CDH12: variants seen among roughly 807,000 people sequenced by gnomAD.
The protein encoded by CDH12 is cadherin 12, also known as cadherin-12.
Under a neutral mutation model 74.1 loss-of-function variants are expected in CDH12, and 41 were observed. The observed-to-expected ratio is 0.55, with a 90% CI of 0.43 to 0.72. The LOEUF (loss-of-function observed/expected upper bound fraction) is 0.72, where lower values mean the gene tolerates loss of function less well. CDH12 is among the 30% of genes least tolerant of loss of function. The pLI is 0.00. For synonymous variants in CDH12, 399 were observed against 355.0 expected (o/e 1.12, Z -1.39); for missense variants, 945 against 977.2 (o/e 0.97, Z 0.44).
chr5:22,611,455 G>A (rs953009725), intron 1 of CDH12, among the ~76,000 whole-genome samples: 1 of 152,040 alleles, frequency 6.6e-6, no homozygotes, highest in Non-Finnish European at 1.5e-5. Context: ...GGGTGACAGT[G>A]AACAACAAAT....
At chr5:22,772,725 T>C (rs978778323) in intron 1 of CDH12, among the ~76,000 whole-genome samples, 20 of 152,090 alleles carry the variant, frequency 1.3e-4, no homozygotes, top group East Asian at 3.9e-4. Flanking sequence ...CTGATTTGTA[T>C]GCAGGATCCA....
At chr5:22,061,216 G>A (rs114370305) in intron 5 of CDH12, among the ~76,000 whole-genome samples, 2,252 of 152,204 alleles carry the variant, frequency 0.015, 24 homozygotes, top group Middle Eastern at 0.058. Context: ...AATTCCACAG[G>A]TAGAAATAAT....
chr5:22,489,056 C>CTTTTTTTTTTGTTTTTTTTTT (rs1746732911), intron 2 of CDH12, among the ~76,000 whole-genome samples: 1 of 37,314 alleles, frequency 2.7e-5, no homozygotes, highest in Non-Finnish European at 4.8e-5. Flanking sequence ...TTGGTACCAC[C>CTTTTTTTTTTGTTTTTTTTTT]TTTTTTTTTT....
At chr5:22,503,994 C>G (rs1266543939) in intron 2 of CDH12, among the ~76,000 whole-genome samples, 5 of 151,910 alleles carry the variant, frequency 3.3e-5, no homozygotes. Context: ...TTCTCTTATT[C>G]TATAAATAAA....
At chr5:22,201,406 C>T (rs569667041) in intron 4 of CDH12, among the ~76,000 whole-genome samples, 12 of 152,208 alleles carry the variant, frequency 7.9e-5, no homozygotes, top group African/African-American at 2.2e-4. Flanking sequence ...CATTATCTTA[C>T]GTGAAATAAC....
intron 3 of CDH12, among the ~76,000 whole-genome samples, chr5:22,246,854 A>G (rs533890624): frequency 9.2e-5 from 14 of 152,172 alleles, no homozygotes; most frequent in Non-Finnish European, 1.9e-4. Context: ...TATTTGGGTC[A>G]ACTTATCTAT....
chr5:22,645,358 G>C (rs1580847150), intron 1 of CDH12, among the ~76,000 whole-genome samples: 1 of 152,084 alleles, frequency 6.6e-6, no homozygotes, highest in Non-Finnish European at 1.5e-5. Context: ...AGTAACTGCA[G>C]ATGTGGTAGA....
At chr5:22,783,802 T>C (rs777746954) in intron 1 of CDH12, among the ~76,000 whole-genome samples, 8 of 152,152 alleles carry the variant, frequency 5.3e-5, no homozygotes, top group Non-Finnish European at 8.8e-5. Context: ...TACCACAATT[T>C]GACAATGAGT....
intron 2 of CDH12, among the ~76,000 whole-genome samples, chr5:22,448,257 T>C (rs1289306168): frequency 6.6e-6 from 1 of 151,912 alleles, no homozygotes; most frequent in Non-Finnish European, 1.5e-5. Flanking sequence ...TAGATTAAAG[T>C]TCAAATTAAA....
intron 4 of CDH12, among the ~76,000 whole-genome samples, chr5:22,193,438 T>C (rs1258072871): frequency 6.6e-6 from 1 of 152,244 alleles, no homozygotes; most frequent in Admixed American, 6.5e-5. Flanking sequence ...AGTATTTTTG[T>C]CTCTTTTTGC....
intron 2 of CDH12, among the ~76,000 whole-genome samples, chr5:22,440,916 A>G (rs981541865): frequency 6.6e-6 from 1 of 152,174 alleles, no homozygotes; most frequent in African/African-American, 2.4e-5. Context: ...TAAGCAAGCC[A>G]TTAATCAGCC....
At chr5:22,216,699 C>A (rs1751816133) in intron 3 of CDH12, among the ~76,000 whole-genome samples, 1 of 151,788 alleles carries the variant, frequency 6.6e-6, no homozygotes, top group Non-Finnish European at 1.5e-5. Context: ...AACTCACCAG[C>A]CTTCAAGAGA....
At chr5:22,850,689 T>C (rs1290487335) in intron 1 of CDH12, among the ~76,000 whole-genome samples, 3 of 152,044 alleles carry the variant, frequency 2.0e-5, no homozygotes, top group Non-Finnish European at 4.4e-5. Flanking sequence ...CAGGATAATA[T>C]CTTACTTTAA....
intron 4 of CDH12, among the ~76,000 whole-genome samples, chr5:22,103,980 C>A (rs1405165018): frequency 6.6e-6 from 1 of 152,084 alleles, no homozygotes; most frequent in African/African-American, 2.4e-5. Flanking sequence ...GAAGAAAAAT[C>A]AATAATGCAT....
At chr5:22,506,605 C>CT (rs774274526) in intron 1 of CDH12, among the ~76,000 whole-genome samples, 4 of 150,242 alleles carry the variant, frequency 2.7e-5, no homozygotes, top group East Asian at 2.0e-4. Context: ...TAGACTCAGC[C>CT]TTTTTTTTTC....
chr5:22,429,609 T>C (rs773307867), intron 2 of CDH12, among the ~76,000 whole-genome samples: 2 of 152,234 alleles, frequency 1.3e-5, no homozygotes, highest in Admixed American at 6.5e-5. Flanking sequence ...ACTGTATATA[T>C]GCATAGTGTT....
chr5:22,277,326 GGC>G (rs774246598), intron 3 of CDH12, among the ~76,000 whole-genome samples: 1 of 152,056 alleles, frequency 6.6e-6, no homozygotes, highest in African/African-American at 2.4e-5. Context: ...AACCACTCGG[GGC>G]TAATACAAGA....
intron 3 of CDH12, among the ~76,000 whole-genome samples, chr5:22,250,162 GA>G (rs1310256318): frequency 6.6e-6 from 1 of 151,024 alleles, no homozygotes; most frequent in Admixed American, 6.6e-5. Flanking sequence ...GAGAGTGCCA[GA>G]TTAGGCTAAA....
chr5:22,224,787 G>A (rs2150371037), intron 3 of CDH12, among the ~76,000 whole-genome samples: 1 of 151,682 alleles, frequency 6.6e-6, no homozygotes, highest in African/African-American at 2.4e-5. Flanking sequence ...GTTGCATTTT[G>A]TGTATAAAAA....
Sources: allele counts gnomAD v4.1 joint callset (sites outside exome capture counted in the v4.1 genomes callset), GRCh38; gene constraint gnomAD v4.1.1; transcripts MANE v1.5; gene names NCBI Gene and HGNC (gene_info 2026-07-23, HGNC 2026-07-21).